The following AUTS2 variants were observed in gnomAD, a reference collection of about 807,000 sequenced individuals.
AUTS2 encodes the protein autism susceptibility gene 2 protein.
In AUTS2, 17 loss-of-function variants were observed where a neutral mutation model predicts 112.4. The ratio of observed to expected loss-of-function variants is 0.15; its 90% CI spans 0.10 to 0.23. The LOEUF (loss-of-function observed/expected upper bound fraction) is 0.23. AUTS2 is among the 10% of genes least tolerant of loss of function. The pLI is 1.00. For synonymous variants in AUTS2, 751 were observed against 702.7 expected, an observed-to-expected ratio of 1.07 and a Z score of -1.09; for missense variants, 1,510 against 1,701.6, an observed-to-expected ratio of 0.89 and a Z score of 1.98.
chr7:70,249,529 C>A (rs1396285194), intron 4 of AUTS2, among the ~76,000 whole-genome samples: 1 of 152,078 alleles, frequency 6.6e-6, no homozygotes, highest in Admixed American at 6.6e-5. Flanking sequence ...ACCCTGGGAT[C>A]TTCATTTTTA....
At chr7:70,769,875 CA>C (rs950738258) in intron 10 of AUTS2, among the ~76,000 whole-genome samples, 17 of 151,980 alleles carry the variant, frequency 1.1e-4, no homozygotes, top group African/African-American at 3.9e-4. Context: ...GGTTTTTAGT[CA>C]GGGGGAGGAA....
intron 1 of AUTS2, among the ~76,000 whole-genome samples, chr7:69,695,306 G>GC (rs1379583508): frequency 6.6e-6 from 1 of 152,030 alleles, no homozygotes; most frequent in Non-Finnish European, 1.5e-5. Flanking sequence ...TCCAGGCTGA[G>GC]CAACAGATCA....
chr7:70,034,573 T>C (rs1046325829), intron 2 of AUTS2, among the ~76,000 whole-genome samples: 5 of 152,214 alleles, frequency 3.3e-5, no homozygotes, highest in African/African-American at 1.2e-4. Flanking sequence ...TTTATACTTA[T>C]GGGTATTATT....
intron 2 of AUTS2, among the ~76,000 whole-genome samples, chr7:70,043,588 C>A (rs549483525): frequency 1.0e-5 from 1 of 99,730 alleles, no homozygotes; most frequent in Non-Finnish European, 2.1e-5. Flanking sequence ...TTCCTTCCTT[C>A]CTTCCTTCCT....
At chr7:69,636,485 C>CA (rs1562776141) in intron 1 of AUTS2, among the ~76,000 whole-genome samples, 1 of 78,188 alleles carries the variant, frequency 1.3e-5, no homozygotes, top group Non-Finnish European at 3.1e-5. Flanking sequence ...TCCGCGCCCC[C>CA]CCCCCCCCTT....
At chr7:70,367,511 G>A (rs1031244303) in intron 4 of AUTS2, among the ~76,000 whole-genome samples, 4 of 151,110 alleles carry the variant, frequency 2.6e-5, no homozygotes, top group East Asian at 2.0e-4. Flanking sequence ...AGCTGAGAAC[G>A]TGCCACAGCA....
intron 5 of AUTS2, among the ~76,000 whole-genome samples, chr7:70,503,661 G>A (rs1469952787): frequency 6.6e-6 from 1 of 151,542 alleles, no homozygotes; most frequent in Non-Finnish European, 1.5e-5. Context: ...GGGACTACAG[G>A]TGTGCACCAC....
intron 1 of AUTS2, among the ~76,000 whole-genome samples, chr7:69,700,328 T>A (rs1797753340): frequency 6.6e-6 from 1 of 152,228 alleles, no homozygotes; most frequent in African/African-American, 2.4e-5. Context: ...TTGCTATTTT[T>A]TTTTAATTTT....
intron 5 of AUTS2, among the ~76,000 whole-genome samples, chr7:70,489,788 G>T (rs184899689): frequency 6.6e-6 from 1 of 152,300 alleles, no homozygotes; most frequent in East Asian, 1.9e-4. Flanking sequence ...CCCAAAGAAG[G>T]TATGGTGTGA....
At chr7:70,272,670 G>T (rs1353432708) in intron 4 of AUTS2, among the ~76,000 whole-genome samples, 1 of 152,154 alleles carries the variant, frequency 6.6e-6, no homozygotes. Flanking sequence ...GGAAAAGAAG[G>T]TTTTACAGAA....
In AUTS2 at chr7:69,769,729, C is replaced by T. The variant is rs540008965; in HGVS notation, c.310-129557C>T. On this transcript the variant is annotated intron_variant, in intron 1 of 18. Coordinates refer to ENST00000342771, the MANE Select transcript of AUTS2 (RefSeq NM_015570.4). ...TTTGATGTTCCTGTTTCCCAACCCA[C>T]GGAGTAAACTTGATTATTGAGAATA... Among the ~76,000 whole-genome samples, 10 of 152,126 alleles carry T rather than the reference C, an allele frequency of 6.6e-5. No individual in the cohort carries two copies. In the East Asian group the frequency reaches 9.6e-4, roughly 15 times the overall value.
At chr7:70,285,746 G>A (rs193266957) in intron 4 of AUTS2, among the ~76,000 whole-genome samples, 3 of 152,140 alleles carry the variant, frequency 2.0e-5, no homozygotes, top group Admixed American at 2.0e-4. Flanking sequence ...GTATCCATAG[G>A]ATCCTCCATT....
intron 1 of AUTS2, among the ~76,000 whole-genome samples, chr7:69,618,774 A>G (rs1020915610): frequency 4.6e-5 from 7 of 152,168 alleles, no homozygotes; most frequent in African/African-American, 1.4e-4. Context: ...ACTTTAAAAA[A>G]CCTTATGACT....
intron 5 of AUTS2, among the ~76,000 whole-genome samples, chr7:70,459,859 G>A (rs1562968438): frequency 6.6e-6 from 1 of 152,098 alleles, no homozygotes; most frequent in Admixed American, 6.5e-5. Context: ...CAGACTGTGG[G>A]GCAGAGGGTC....
At chr7:69,845,217 T>C (rs1272515345) in intron 1 of AUTS2, among the ~76,000 whole-genome samples, 1 of 152,202 alleles carries the variant, frequency 6.6e-6, no homozygotes, top group Admixed American at 6.5e-5. Flanking sequence ...AGCAAAAGAA[T>C]CTTCCTGGTA....
At chr7:70,431,816 G>A (rs999496584) in intron 4 of AUTS2, among the ~76,000 whole-genome samples, 3 of 152,224 alleles carry the variant, frequency 2.0e-5, no homozygotes, top group Non-Finnish European at 2.9e-5. Context: ...GGGAAGAGAC[G>A]GTGAAGATGG....
chr7:70,208,305 G>A (rs1810681169), intron 4 of AUTS2, among the ~76,000 whole-genome samples: 2 of 152,162 alleles, frequency 1.3e-5, no homozygotes, highest in South Asian at 4.1e-4. Flanking sequence ...ACTTGAAGGA[G>A]CAAGTTAGGA....
Position 70,118,233 on chromosome 7 carries a change from T to C in AUTS2, c.624T>C (p.Asp208=), listed in dbSNP as rs763042625. ...GCAGCTCTCGGGAAAGGCTCAGTGA[T>C]GTAAGTTTAAGTAAAAAAAAAAAAA... ...HRSSSRERLS[D]SSAPSSLGTG... The change falls in exon 3 of 19, where the codon GAT becomes GAC. Residue 208 remains aspartate (D), a splice_region_variant and synonymous_variant. Coordinates refer to ENST00000342771, the MANE Select transcript of AUTS2 (RefSeq NM_015570.4). 3 of 1,548,748 alleles carry C rather than the reference T, an allele frequency of 1.9e-6. No homozygotes were observed. The East Asian group carries it at 7.0e-5, about 36-fold the overall frequency.
intron 1 of AUTS2, among the ~76,000 whole-genome samples, chr7:69,852,449 T>C (rs1331678221): frequency 6.6e-6 from 1 of 152,070 alleles, no homozygotes; most frequent in African/African-American, 2.4e-5. Context: ...TTTCTTTTTT[T>C]TCGAGACAGA....
Sources: allele counts gnomAD v4.1 joint callset (sites outside exome capture counted in the v4.1 genomes callset), GRCh38; gene constraint gnomAD v4.1.1; transcripts MANE v1.5; gene names NCBI Gene and HGNC (gene_info 2026-07-23, HGNC 2026-07-21).